GRM5: variants seen among roughly 807,000 people sequenced by gnomAD.
GRM5 encodes the protein metabotropic glutamate receptor 5.
In GRM5, 19 loss-of-function variants were observed where a neutral mutation model predicts 83.1. That is an observed-to-expected ratio of 0.23 (90% confidence interval 0.16 to 0.34). GRM5 has a LOEUF of 0.34. Ranked by LOEUF, GRM5 falls within the 10% of genes least tolerant of loss-of-function variation. The probability of loss-of-function intolerance (pLI) is 1.00; values close to 1 mark genes in which losing one functional copy is unlikely to be tolerated. For missense variants in GRM5, 1,160 were observed against 1,588.3 expected (o/e 0.73, Z 4.58); for synonymous variants, 675 against 633.6 (o/e 1.07, Z -0.98).
intron 2 of GRM5, among the ~76,000 whole-genome samples, chr11:88,857,433 G>A (rs1425836796): frequency 2.6e-5 from 4 of 152,042 alleles, no homozygotes; most frequent in Admixed American, 6.6e-5. Flanking sequence ...TCTCCACTTC[G>A]TGTCCTTTAA....
chr11:88,752,572 T>C (rs1196582400), intron 3 of GRM5, among the ~76,000 whole-genome samples: 1 of 152,200 alleles, frequency 6.6e-6, no homozygotes, highest in Non-Finnish European at 1.5e-5. Context: ...AAACTACCTT[T>C]GCCATTTTTC....
chr11:88,850,871 T>G (rs1429123331), intron 2 of GRM5, among the ~76,000 whole-genome samples: 1 of 121,892 alleles, frequency 8.2e-6, no homozygotes, highest in African/African-American at 3.2e-5. Flanking sequence ...TCTTTAAAAA[T>G]TAATGAAAAG....
intron 2 of GRM5, among the ~76,000 whole-genome samples, chr11:88,901,995 T>A (rs77075229): frequency 0.029 from 4,440 of 152,266 alleles, 210 homozygotes; most frequent in African/African-American, 0.1. Flanking sequence ...GTGGTTGCCA[T>A]CCTTTTCTAC....
chr11:88,507,957 A>C lies in GRM5; in HGVS notation c.*635T>G, dbSNP rs368245563. ...AATTGGAGAGGAAAATCTCTGGTAG[A>C]AGCCCTACGTAGTACATTAGCGCAG... On this transcript the variant is annotated 3_prime_UTR_variant, in exon 10 of 10. Coordinates refer to ENST00000305447, the MANE Select transcript of GRM5 (RefSeq NM_001143831.3). 1 of 152,542 alleles carries C rather than the reference A, an allele frequency of 6.6e-6. No individual in the cohort carries two copies. 9.4% of individuals were successfully genotyped at this position (152,542 alleles called of 1,614,324 possible).
intron 3 of GRM5, among the ~76,000 whole-genome samples, chr11:88,660,438 G>A (rs897006181): frequency 1.3e-5 from 2 of 152,152 alleles, no homozygotes; most frequent in Non-Finnish European, 2.9e-5. Flanking sequence ...TGGCAACATG[G>A]TTATTTATTA....
chr11:88,962,203 G>A (rs770867813), intron 2 of GRM5, among the ~76,000 whole-genome samples: 4 of 152,188 alleles, frequency 2.6e-5, no homozygotes, highest in South Asian at 2.1e-4. Context: ...GGATCCATTC[G>A]CCATGCACTC....
At chr11:88,992,422 C>A (rs1435552000) in intron 2 of GRM5, among the ~76,000 whole-genome samples, 1 of 152,014 alleles carries the variant, frequency 6.6e-6, no homozygotes, top group Non-Finnish European at 1.5e-5. Context: ...GTTGGTGGGA[C>A]TGTAAACTAG....
In GRM5 at chr11:88,796,899, C is replaced by CGTGT. The variant is rs36203408; in HGVS notation, c.911+53003_911+53006dup. Among the ~76,000 whole-genome samples, 539 of 143,520 alleles carry CGTGT rather than the reference C, an allele frequency of 3.8e-3. 7 individuals are homozygous for CGTGT. Among genetic ancestry groups the CGTGT allele is most frequent in the East Asian group, 0.023 (109 of 4,744 alleles). The allele number at this position is 143,520 out of a possible 152,430, so 94.2% of individuals were successfully genotyped here. A position where few individuals can be genotyped will look rare whatever the true frequency, so the allele number is the denominator to read the frequency against. On this transcript the variant is annotated intron_variant, in intron 3 of 9. Transcript: ENST00000305447. ...TGAAAGGAAAGTACACACACACACA[C>CGTGT]GTGTGTGTGTGTGTGTGTGTGTGTG...
At chr11:88,719,395 A>C (rs1447046646) in intron 3 of GRM5, among the ~76,000 whole-genome samples, 1 of 151,922 alleles carries the variant, frequency 6.6e-6, no homozygotes, top group East Asian at 1.9e-4. Flanking sequence ...ACACAGTCTC[A>C]TCCTTTTTTA....
intron 3 of GRM5, among the ~76,000 whole-genome samples, chr11:88,721,746 C>T (rs945169359): frequency 6.6e-6 from 1 of 151,970 alleles, no homozygotes; most frequent in Non-Finnish European, 1.5e-5. Context: ...GTTTTTATGC[C>T]TCTCAGTAAT....
At chr11:88,751,152 G>T (rs1217616456) in intron 3 of GRM5, among the ~76,000 whole-genome samples, 1 of 133,220 alleles carries the variant, frequency 7.5e-6, no homozygotes, top group Non-Finnish European at 1.6e-5. Flanking sequence ...AACCCATCAA[G>T]AAATGAACAA....
At chr11:88,652,101 A>G (rs1439096681) in intron 4 of GRM5, among the ~76,000 whole-genome samples, 1 of 152,064 alleles carries the variant, frequency 6.6e-6, no homozygotes, top group African/African-American at 2.4e-5. Flanking sequence ...CCATGGGTAA[A>G]GGCATCTATA....
intron 2 of GRM5, among the ~76,000 whole-genome samples, chr11:88,991,087 A>T (rs1022013280): frequency 2.6e-5 from 4 of 152,208 alleles, no homozygotes; most frequent in African/African-American, 9.7e-5. Context: ...CTCTTTGCAG[A>T]CGACATGATT....
At chr11:89,009,649 C>T (rs536254837) in intron 2 of GRM5, among the ~76,000 whole-genome samples, 1 of 152,100 alleles carries the variant, frequency 6.6e-6, no homozygotes, top group South Asian at 2.1e-4. Flanking sequence ...GTAATCCCAG[C>T]ACTTTGGGAG....
chr11:89,009,548 G>A (rs1185592160), intron 2 of GRM5, among the ~76,000 whole-genome samples: 3 of 152,008 alleles, frequency 2.0e-5, no homozygotes, highest in African/African-American at 4.8e-5. Context: ...AAATTGTGCA[G>A]AATACAAAAA....
intron 3 of GRM5, among the ~76,000 whole-genome samples, chr11:88,686,921 TTTTAAGA>T (rs1158096915): frequency 6.6e-6 from 1 of 152,016 alleles, no homozygotes; most frequent in African/African-American, 2.4e-5. Flanking sequence ...CCTATTACAG[TTTTAAGA>T]TTTATCTATC....
intron 3 of GRM5, among the ~76,000 whole-genome samples, chr11:88,684,083 A>C (rs1940561706): frequency 1.3e-5 from 2 of 152,218 alleles, no homozygotes; most frequent in African/African-American, 4.8e-5. Context: ...GGAAGAAGAC[A>C]CAATGAATGA....
intron 3 of GRM5, among the ~76,000 whole-genome samples, chr11:88,814,808 TAAC>T (rs1419738732): frequency 1.3e-5 from 2 of 151,630 alleles, no homozygotes; most frequent in Admixed American, 1.3e-4. Context: ...TGAAAAAAAA[TAAC>T]AAGTAATTGA....
At chr11:88,773,076 AG>A (rs1362211631) in intron 3 of GRM5, among the ~76,000 whole-genome samples, 7 of 152,146 alleles carry the variant, frequency 4.6e-5, no homozygotes, top group Admixed American at 4.6e-4. Context: ...ACAGTGTAAA[AG>A]CATTCCTATT....
Sources: gnomAD v4.1 joint callset for allele counts (sites outside exome capture counted in the v4.1 genomes callset) on GRCh38, gnomAD v4.1.1 for gene constraint, MANE v1.5 for transcripts, NCBI Gene and HGNC (gene_info 2026-07-23, HGNC 2026-07-21) for gene names.